EYS: variants seen among roughly 807,000 people sequenced by gnomAD.
EYS encodes EGF-like photoreceptor maintenance factor, also known as protein eyes shut homolog.
A neutral mutation model predicts 282.1 loss-of-function variants in EYS; 250 were observed. The observed-to-expected ratio is 0.89, with a 90% confidence interval of 0.80 to 0.98. EYS has a LOEUF of 0.98. Ranked by LOEUF, EYS falls within the 50% of genes least tolerant of loss-of-function variation. EYS has a pLI of 0.00. For missense variants in EYS, 4,016 were observed against 3,709.0 expected, an observed-to-expected ratio of 1.08 and a Z score of -2.15; for synonymous variants, 1,355 against 1,282.9, an observed-to-expected ratio of 1.06 and a Z score of -1.20.
intron 16 of EYS, 107 bp from the exon 17 acceptor site, chr6:64,902,607 G>A: frequency 2.3e-5 from 14 of 597,730 alleles, no homozygotes; most frequent in South Asian, 1.1e-4. Context: ...GGTTAAAAAA[G>A]GAAAAAGAAA....
chr6:64,843,407 T>G (rs1282027644), intron 19 of EYS, among the ~76,000 whole-genome samples: 1 of 152,132 alleles, frequency 6.6e-6, no homozygotes, highest in Non-Finnish European at 1.5e-5. Context: ...GGAGGTGGGC[T>G]ATACCCTGAA....
intron 12 of EYS, among the ~76,000 whole-genome samples, chr6:65,090,008 A>ACACAC (rs1561960493): frequency 9.4e-6 from 1 of 106,208 alleles, no homozygotes; most frequent in Non-Finnish European, 2.1e-5. Context: ...CACACACACA[A>ACACAC]ACACACACAC....
intron 12 of EYS, among the ~76,000 whole-genome samples, chr6:65,270,365 G>T (rs1255440992): frequency 6.6e-6 from 1 of 152,098 alleles, no homozygotes; most frequent in Non-Finnish European, 1.5e-5. Context: ...ATTGGATCAG[G>T]AGTTACATCT....
chr6:65,125,173 G>A (rs1354330240), intron 12 of EYS, among the ~76,000 whole-genome samples: 1 of 152,188 alleles, frequency 6.6e-6, no homozygotes, highest in African/African-American at 2.4e-5. Context: ...AAGTGTCACT[G>A]TTAAACACAC....
intron 19 of EYS, among the ~76,000 whole-genome samples, chr6:64,834,050 C>G (rs781674059): frequency 3.3e-5 from 5 of 151,838 alleles, no homozygotes; most frequent in Non-Finnish European, 7.4e-5. Context: ...CAGACACATT[C>G]TGACATAAAG....
chr6:64,388,718 C>T lies in EYS; in HGVS notation c.6050G>A (p.Gly2017Glu), dbSNP rs868349465. 3.9e-6 allele frequency: 6 copies of T among 1,537,900 alleles called. 1 individual carries two copies. In the South Asian group the frequency reaches 6.2e-5, roughly 16 times the overall value. ...LPKSGSVFIG[G>E]FPDLHGKIQM... ...GATTTTCCCATGAAGGTCTGGAAAT[C>T]CACCAATGAAGACAGATCCTGATTT... The change falls in exon 29 of 43, where the codon GGA becomes GAA. Residue 2017 changes from glycine to glutamate, a missense_variant. Gly to Glu is a moderately conservative substitution (Grantham distance 98). Transcript: ENST00000503581.
intron 1 of EYS, among the ~76,000 whole-genome samples, chr6:65,642,869 C>T (rs1277426682): frequency 6.6e-6 from 1 of 152,178 alleles, no homozygotes; most frequent in Non-Finnish European, 1.5e-5. Context: ...CAGAAAATAA[C>T]TTTAAGAATA....
intron 26 of EYS, among the ~76,000 whole-genome samples, chr6:64,517,332 T>C (rs1043140533): frequency 2.3e-4 from 35 of 151,734 alleles, no homozygotes; most frequent in African/African-American, 8.2e-4. Context: ...TGTAGGATAA[T>C]TTGCCAGGAG....
chr6:64,516,070 C>T (rs977312076), intron 26 of EYS, among the ~76,000 whole-genome samples: 1 of 151,624 alleles, frequency 6.6e-6, no homozygotes, highest in Non-Finnish European at 1.5e-5. Flanking sequence ...TTCCATGTTG[C>T]TAAATGAATC....
Position 64,591,421 on chromosome 6 carries a change from C to T in EYS, c.4446G>A (p.Glu1482=), listed in dbSNP as rs1562080046. 5 of 1,551,210 alleles carry T rather than the reference C, an allele frequency of 3.2e-6. No homozygotes were observed. The highest frequency in any genetic ancestry group is 4.4e-6 in the Non-Finnish European group (5 of 1,146,786). The part of the protein sequence containing the change: ...YSADSLISRR[E]HWRLLSPSMS... ...TCGAGGGGCTGAGCAATCTCCAGTG[C>T]TCTCTTCTTGAAATTAAAGAATCAG... The change falls in exon 26 of 43, where the codon GAG becomes GAA. Residue 1482 remains glutamate (E), a synonymous_variant. Transcript: ENST00000503581.
chr6:64,180,396 T>C (rs540689399), intron 31 of EYS, among the ~76,000 whole-genome samples: 1 of 152,280 alleles, frequency 6.6e-6, no homozygotes, highest in South Asian at 2.1e-4. Context: ...CGACCAAAAA[T>C]AGGTCAATAA....
chr6:64,164,235 CAG>C (rs898836120), intron 31 of EYS, among the ~76,000 whole-genome samples: 1 of 152,082 alleles, frequency 6.6e-6, no homozygotes, highest in African/African-American at 2.4e-5. Flanking sequence ...TATCCCAGCA[CAG>C]AGTTTGTTTT....
chr6:64,062,949 G>A (rs949682595), intron 33 of EYS, among the ~76,000 whole-genome samples: 6 of 152,160 alleles, frequency 3.9e-5, no homozygotes, highest in African/African-American at 1.4e-4. Context: ...CTACACTGAA[G>A]TCTTCAGGTC....
intron 33 of EYS, among the ~76,000 whole-genome samples, chr6:64,029,066 A>G (rs1336675115): frequency 6.6e-6 from 1 of 152,126 alleles, no homozygotes; most frequent in African/African-American, 2.4e-5. Flanking sequence ...CCCTCTATAC[A>G]CTAATCAAGG....
intron 35 of EYS, among the ~76,000 whole-genome samples, chr6:63,956,282 C>A (rs1030710312): frequency 6.6e-6 from 1 of 152,140 alleles, no homozygotes; most frequent in African/African-American, 2.4e-5. Flanking sequence ...TTGTGAAATT[C>A]CTTCTCCTAG....
At chr6:64,250,464 G>C (rs1195108573) in intron 30 of EYS, among the ~76,000 whole-genome samples, 1 of 151,934 alleles carries the variant, frequency 6.6e-6, no homozygotes, top group Non-Finnish European at 1.5e-5. Context: ...CTGCATCAGG[G>C]GAATGATTTA....
intron 12 of EYS, among the ~76,000 whole-genome samples, chr6:65,148,230 C>G (rs1273726726): frequency 6.6e-6 from 1 of 152,084 alleles, no homozygotes; most frequent in Non-Finnish European, 1.5e-5. Context: ...AAGGCAAGAC[C>G]CTTCTGCCTA....
chr6:65,688,931 G>T (rs1444569552), intron 1 of EYS, among the ~76,000 whole-genome samples: 1 of 151,640 alleles, frequency 6.6e-6, no homozygotes, highest in African/African-American at 2.4e-5. Flanking sequence ...TGGTGGGACT[G>T]TAAACTAGTT....
intron 31 of EYS, among the ~76,000 whole-genome samples, chr6:64,106,996 T>A (rs1314516286): frequency 6.6e-6 from 1 of 151,630 alleles, no homozygotes; most frequent in African/African-American, 2.4e-5. Flanking sequence ...GTTATAGTAT[T>A]TTTGGTCTCT....
Sources: gnomAD v4.1 joint callset for allele counts (sites outside exome capture counted in the v4.1 genomes callset) on GRCh38, gnomAD v4.1.1 for gene constraint, MANE v1.5 for transcripts, NCBI Gene and HGNC (gene_info 2026-07-23, HGNC 2026-07-21) for gene names.